The following HDLBP variants were observed in gnomAD, a reference collection of about 807,000 sequenced individuals.
The protein encoded by HDLBP is vigilin.
HDLBP carries 30 observed loss-of-function variants against 137.3 expected under a neutral mutation model. The observed-to-expected ratio is 0.22, with a 90% CI of 0.16 to 0.30. HDLBP has a LOEUF of 0.30. Ranked by LOEUF, HDLBP falls within the 10% of genes least tolerant of loss-of-function variation. The probability of loss-of-function intolerance (pLI) is 1.00; values close to 1 mark genes in which losing one functional copy is unlikely to be tolerated. For synonymous variants in HDLBP, 606 were observed against 596.0 expected, an observed-to-expected ratio of 1.02 and a Z score of -0.24; for missense variants, 1,119 against 1,667.3, an observed-to-expected ratio of 0.67 and a Z score of 5.73.
intron 5 of HDLBP, among the ~76,000 whole-genome samples, chr2:241,258,898 G>A (rs1288301730): frequency 6.6e-6 from 1 of 152,158 alleles, no homozygotes; most frequent in Admixed American, 6.5e-5. Context: ...AATTCCTAAG[G>A]AAGGAAATTT....
chr2:241,256,057 G>T (rs2072590945), intron 7 of HDLBP, 127 bp downstream of exon 7: 1 of 777,176 alleles, frequency 1.3e-6, no homozygotes, highest in Admixed American at 2.2e-5. Context: ...CTCAAGTGTA[G>T]AGACAATAAG....
Position 241,230,283 on chromosome 2 carries a change from A to G in HDLBP, c.3475-14T>C, listed in dbSNP as rs763889313. On this transcript the variant is annotated splice_polypyrimidine_tract_variant and intron_variant, in intron 25 of 27. Transcript: ENST00000310931. The surrounding 1 kb of genome is among the most constrained non-coding windows in gnomAD (Gnocchi z 5.0). ...GCGAATGTCCACCTGGAAGGGGTGT[A>G]CAACGTCAGATGAGGGGACTCCAAG... 2.0e-6 allele frequency: 3 copies of G among 1,503,016 alleles called. No homozygotes were observed. The highest frequency in any genetic ancestry group is 2.7e-6 in the Non-Finnish European group (3 of 1,094,240). 93.1% of individuals were successfully genotyped at this position (1,503,016 alleles called of 1,614,324 possible).
In HDLBP at chr2:241,233,982, A is replaced by C. The variant is rs1682491145; in HGVS notation, c.3145-19T>G. Reference sequence around the variant, plus strand: ...TTAAAGCCTACAAATGAAAGGAGCAAGAATGAGGCAAAGATTGAGCTGATC... The same window carrying C: ...TTAAAGCCTACAAATGAAAGGAGCACGAATGAGGCAAAGATTGAGCTGATC... On this transcript the variant is annotated intron_variant, in intron 23 of 27. Transcript: ENST00000310931. The surrounding 1 kb of genome is among the most constrained non-coding windows in gnomAD (Gnocchi z 4.3). The C allele has an allele frequency of 1.9e-6, 3 of 1,613,868 alleles. No individual in the cohort carries two copies. The highest frequency in any genetic ancestry group is 1.7e-6 in the Non-Finnish European group (2 of 1,179,866).
At chr2:241,261,629 C>T (rs1271818849) in intron 5 of HDLBP, among the ~76,000 whole-genome samples, 1 of 152,212 alleles carries the variant, frequency 6.6e-6, no homozygotes, top group African/African-American at 2.4e-5. Context: ...CTAGCAGACA[C>T]CTGGAAAACT....
At chr2:241,250,464 T>C (rs1439986095) in intron 11 of HDLBP, 1 of 154,610 alleles carries the variant, frequency 6.5e-6, no homozygotes. Flanking sequence ...CCATCTACTG[T>C]TGGCTCAGAT....
In HDLBP at chr2:241,229,942, C is replaced by A. The variant is rs1252620242; in HGVS notation, c.3611G>T (p.Ser1204Ile). 1 of 1,602,972 alleles carries A rather than the reference C, an allele frequency of 6.2e-7. No homozygotes were observed. Among genetic ancestry groups the A allele is most frequent in the East Asian group, 2.2e-5 (1 of 44,692 alleles). ...TTTCATGTATACCTGCAGCGCCTCA[C>A]TGTCCACCACGTCAGCTAGCTGCAG... ...EEEYLADVVD[S>I]EALQVYMKPP... The change falls in exon 27 of 28, where the codon AGT becomes ATT. Residue 1204 changes from serine to isoleucine, a missense_variant. By Grantham distance (142) the Ser-to-Ile change is moderately radical. This residue lies in a region of HDLBP where 618 missense variants were observed against 816.7 expected (regional missense o/e 0.76). Coordinates refer to ENST00000310931, the MANE Select transcript of HDLBP (RefSeq NM_005336.6).
chr2:241,268,264 G>A (rs1370455147), intron 2 of HDLBP, among the ~76,000 whole-genome samples: 2 of 152,154 alleles, frequency 1.3e-5, no homozygotes, highest in Non-Finnish European at 1.5e-5. Context: ...AAAAACAGAC[G>A]GAAGCCAGAT....
intron 1 of HDLBP, among the ~76,000 whole-genome samples, chr2:241,284,527 T>C (rs184455781): frequency 2.9e-3 from 448 of 152,364 alleles, no homozygotes; most frequent in Non-Finnish European, 5.6e-3. Context: ...AATGAAGATG[T>C]TGTGAACATT....
chr2:241,239,951 C>T lies in HDLBP; in HGVS notation c.2341G>A (p.Asp781Asn). The change falls in exon 18 of 28, where the codon GAC becomes AAC. Residue 781 changes from aspartate to asparagine, a missense_variant. This residue lies in a region of HDLBP where 618 missense variants were observed against 816.7 expected (regional missense o/e 0.76). Transcript: ENST00000310931. The surrounding 1 kb of genome is among the most constrained non-coding windows in gnomAD (Gnocchi z 4.6). ...TCCTTCTGTGCCTCTCGGACGGCGT[C>T]CTCCTTTCCAATGATGGTGATCAGG... is the stretch of plus-strand genomic sequence containing the variant. ...QDLITIIGKE[D>N]AVREAQKELE... 6.2e-7 allele frequency: 1 copy of T among 1,614,228 alleles called. No individual in the cohort carries two copies. The highest frequency in any genetic ancestry group is 8.5e-7 in the Non-Finnish European group (1 of 1,180,034).
At position 241,230,683 on chromosome 2, in the gene HDLBP, C is replaced by G. The variant is rs2069634616; in HGVS notation, c.3474+76G>C. On this transcript the variant is annotated intron_variant, in intron 25 of 27. Transcript: ENST00000310931. The surrounding 1 kb of genome is among the most constrained non-coding windows in gnomAD (Gnocchi z 5.0). ...CATCATCTTGAGGGGAAGGCCATGC[C>G]CTGCTCTTTCTTCTGGCCAGCCAGG... The G allele has an allele frequency of 7.8e-7, 1 of 1,288,436 alleles. No homozygotes were observed. Among genetic ancestry groups the G allele is most frequent in the Non-Finnish European group, 1.1e-6 (1 of 905,478 alleles). 79.8% of individuals were successfully genotyped at this position (1,288,436 alleles called of 1,614,324 possible). A position where few individuals can be genotyped will look rare whatever the true frequency, so the allele number is the denominator to read the frequency against.
rs149428713 is a variant in HDLBP, at chr2:241,242,674, T to C, written c.1955A>G (p.Asn652Ser). 9.9e-6 allele frequency: 16 copies of C among 1,613,196 alleles called. No individual in the cohort carries two copies. The African/African-American group carries it at 1.1e-4, about 11-fold the overall frequency. Residue 652 changes from asparagine to serine, a missense_variant, in exon 17 of 28, where the codon AAC (asparagine) becomes AGC (serine). Physicochemically the swap from Asn to Ser is conservative, Grantham distance 46 (BLOSUM62 1). Around this residue, in one of 4 missense-constraint regions of HDLBP, gnomAD observed 425 missense variants for 693.9 expected, o/e 0.61. Transcript: ENST00000310931. Reference protein sequence around the residue: ...RILSIQKDLANIAEVEVSIPA... With the variant: ...RILSIQKDLASIAEVEVSIPA... ...GATGGAGACCTCTACCTCGGCTATGTTGGCCTGAAACCAAACACAGGGCAG... is the reference window on the plus strand; with the variant it reads ...GATGGAGACCTCTACCTCGGCTATGCTGGCCTGAAACCAAACACAGGGCAG...
At position 241,242,667 on chromosome 2, in the gene HDLBP, G is replaced by C. The variant is rs150609869; in HGVS notation, c.1962C>G (p.Ala654=). Residue 654 remains alanine, a synonymous_variant, in exon 17 of 28, where the codon GCC becomes GCG. Transcript: ENST00000310931. ...LSIQKDLANI[A]EVEVSIPAKL... is the part of the protein sequence containing the mutation. ...TGGCAGGGATGGAGACCTCTACCTC[G>C]GCTATGTTGGCCTGAAACCAAACAC... 1.9e-6 allele frequency: 3 copies of C among 1,613,450 alleles called. No homozygotes were observed. The highest frequency in any genetic ancestry group is 2.7e-5 in the African/African-American group (2 of 75,016).
At chr2:241,314,698 A>G (rs2075944961) in intron 1 of HDLBP, among the ~76,000 whole-genome samples, 2 of 152,276 alleles carry the variant, frequency 1.3e-5, no homozygotes, top group South Asian at 4.1e-4. Flanking sequence ...TTTAAGTCGA[A>G]TGGAGAGGAT....
Position 241,242,685 on chromosome 2 carries a change from C to G in HDLBP, c.1951-7G>C, listed in dbSNP as rs778317642. The G allele has an allele frequency of 1.9e-6, 3 of 1,610,854 alleles. No homozygotes were observed. The highest frequency in any genetic ancestry group is 2.2e-5 in the East Asian group (1 of 44,844). On this transcript the variant is annotated splice_region_variant and splice_polypyrimidine_tract_variant and intron_variant, in intron 16 of 27. Transcript: ENST00000310931. ...CTACCTCGGCTATGTTGGCCTGAAA[C>G]CAAACACAGGGCAGGAGGAGGAAGT...
rs1176721711 is a variant in HDLBP, at chr2:241,239,562, T to C, written c.2610+40A>G. The stretch of plus-strand genomic sequence containing the variant: ...ATACACGGCTTCGGTGAGTGGCCAC[T>C]GGGGGGTGAGAACCCCTCCCCGAGC... On this transcript the variant is annotated intron_variant, in intron 19 of 27. Coordinates refer to ENST00000310931, the MANE Select transcript of HDLBP (RefSeq NM_005336.6). This position sits in a 1 kb window ranked among gnomAD's most constrained non-coding sequence, Gnocchi z 4.6. 2.6e-6 allele frequency: 4 copies of C among 1,534,554 alleles called. No homozygotes were observed. The East Asian group carries it at 6.7e-5, about 26-fold the overall frequency.
chr2:241,268,185 A>G (rs983961202), intron 2 of HDLBP, among the ~76,000 whole-genome samples: 1 of 152,238 alleles, frequency 6.6e-6, no homozygotes, highest in Admixed American at 6.5e-5. Flanking sequence ...CTGCAATCCT[A>G]AAGAGAAGCA....
In HDLBP at chr2:241,300,125, G is replaced by A. The variant is rs527599111; in HGVS notation, c.-103+15445C>T. The stretch of plus-strand genomic sequence containing the variant: ...AAGTAGATTTTTAAACCACCAGAAA[G>A]CATCAAGAAAGCCACAGCACAACCT... On this transcript the variant is annotated intron_variant, in intron 1 of 27. Coordinates refer to ENST00000310931, the MANE Select transcript of HDLBP (RefSeq NM_005336.6). Among the ~76,000 whole-genome samples the A allele has an allele frequency of 4.6e-5, 7 of 151,980 alleles. No individual in the cohort carries two copies. In the South Asian group the frequency reaches 1.5e-3, roughly 32 times the overall value.
chr2:241,277,508 G>T (rs1191332727), intron 1 of HDLBP, among the ~76,000 whole-genome samples: 1 of 152,188 alleles, frequency 6.6e-6, no homozygotes, highest in African/African-American at 2.4e-5. Context: ...CTAAAATGGA[G>T]ACTTTGAAAA....
intron 11 of HDLBP, chr2:241,250,769 T>C (rs1279087251): frequency 6.6e-6 from 1 of 152,364 alleles, no homozygotes; most frequent in Non-Finnish European, 1.5e-5. Flanking sequence ...GACATGCAGC[T>C]GTGCCAGGTG....
Sources: allele counts gnomAD v4.1 joint callset (sites outside exome capture counted in the v4.1 genomes callset), GRCh38; gene constraint gnomAD v4.1.1; regional missense constraint gnomAD v4.1.1; non-coding constraint Gnocchi (gnomAD v3.1); transcripts MANE v1.5; gene names NCBI Gene and HGNC (gene_info 2026-07-23, HGNC 2026-07-21).